The following GALNT2 variants were observed in gnomAD, a reference collection of about 807,000 sequenced individuals.
GALNT2 encodes the protein UDP-GalNAc:polypeptide N-acetylgalactosaminyltransferase 2.
Under a neutral mutation model 81.4 loss-of-function variants are expected in GALNT2, and 31 were observed. That is an observed-to-expected ratio of 0.38 (90% confidence interval 0.29 to 0.51). GALNT2 has a LOEUF of 0.51. GALNT2 is among the 20% of genes least tolerant of loss of function. The probability of loss-of-function intolerance (pLI) is 0.87; values close to 1 mark genes in which losing one functional copy is unlikely to be tolerated. For synonymous variants in GALNT2, 303 were observed against 287.4 expected, an observed-to-expected ratio of 1.05 and a Z score of -0.55; for missense variants, 629 against 765.7, an observed-to-expected ratio of 0.82 and a Z score of 2.11.
chr1:230,154,166 T>G (rs952961959), intron 1 of GALNT2, among the ~76,000 whole-genome samples: 5 of 152,204 alleles, frequency 3.3e-5, no homozygotes, highest in African/African-American at 1.2e-4. Flanking sequence ...TTTTGTACAT[T>G]TTCAATATTT....
At chr1:230,197,099 C>G (rs896803895) in intron 2 of GALNT2, among the ~76,000 whole-genome samples, 4 of 152,130 alleles carry the variant, frequency 2.6e-5, no homozygotes, top group Admixed American at 6.5e-5. Flanking sequence ...GAGCAAGCCT[C>G]TCTTCCTCCA....
At chr1:230,176,428 A>G (rs1572051928) in intron 1 of GALNT2, among the ~76,000 whole-genome samples, 1 of 152,204 alleles carries the variant, frequency 6.6e-6, no homozygotes, top group East Asian at 1.9e-4. Context: ...TTCAGCTACA[A>G]GTTTAAATGA....
chr1:230,199,263 C>T (rs969213597), intron 2 of GALNT2, among the ~76,000 whole-genome samples: 8 of 152,170 alleles, frequency 5.3e-5, no homozygotes, highest in African/African-American at 9.7e-5. Flanking sequence ...GTGTACCTCT[C>T]GCCATGTCCC....
chr1:230,102,781 G>C (rs1414694644), intron 1 of GALNT2, among the ~76,000 whole-genome samples: 1 of 152,178 alleles, frequency 6.6e-6, no homozygotes. Flanking sequence ...CAGATTCTGT[G>C]GGGTAAATAA....
chr1:230,058,186 C>T (rs908343850), intron 1 of GALNT2: 6 of 447,790 alleles, frequency 1.3e-5, no homozygotes, highest in Admixed American at 9.5e-5. Context: ...CTGGCCTCCT[C>T]CTTCCTAGGC....
chr1:230,136,206 T>C (rs932072665), intron 1 of GALNT2, among the ~76,000 whole-genome samples: 1 of 152,164 alleles, frequency 6.6e-6, no homozygotes, highest in African/African-American at 2.4e-5. Flanking sequence ...GTTTTCACTC[T>C]TCTGGGGGTG....
intron 3 of GALNT2, among the ~76,000 whole-genome samples, chr1:230,205,733 C>G (rs1367738309): frequency 2.6e-5 from 4 of 152,170 alleles, no homozygotes; most frequent in Non-Finnish European, 5.9e-5. Context: ...GGGTCCTTCA[C>G]TTTTTCCAGA....
intron 14 of GALNT2, among the ~76,000 whole-genome samples, chr1:230,266,636 G>A (rs549824112): frequency 1.3e-5 from 2 of 152,314 alleles, no homozygotes; most frequent in South Asian, 4.1e-4. Flanking sequence ...GCAGTTACTT[G>A]CAATGGCCTG....
chr1:230,202,454 A>G (rs894895742), intron 2 of GALNT2, among the ~76,000 whole-genome samples: 1 of 152,190 alleles, frequency 6.6e-6, no homozygotes, highest in Non-Finnish European at 1.5e-5. Flanking sequence ...GTTCAGGCCA[A>G]TGCCAGGGGA....
rs571319568 is a variant in GALNT2, at chr1:230,139,262, A to G, written c.127-38956A>G. Among the ~76,000 whole-genome samples, 21 of 152,348 alleles carry G rather than the reference A, an allele frequency of 1.4e-4. No homozygotes were observed. In the South Asian group the frequency reaches 4.1e-3, roughly 30 times the overall value. On this transcript the variant is annotated intron_variant, in intron 1 of 15. Coordinates refer to ENST00000366672, the MANE Select transcript of GALNT2 (RefSeq NM_004481.5). ...AAATGAAGACATTTAGATGAGAACA[A>G]TCAGGGTCCTCTTGCTAAATCTGAA... is the stretch of plus-strand genomic sequence containing the variant.
At chr1:230,227,562 C>CAT (rs574499167) in intron 3 of GALNT2, among the ~76,000 whole-genome samples, 7,629 of 145,970 alleles carry the variant, frequency 0.052, 226 homozygotes, top group Non-Finnish European at 0.068. Context: ...ATAATACAGC[C>CAT]ATATATATAT....
At chr1:230,079,555 T>C (rs1410439239) in intron 1 of GALNT2, among the ~76,000 whole-genome samples, 2 of 152,248 alleles carry the variant, frequency 1.3e-5, no homozygotes, top group African/African-American at 2.4e-5. Context: ...AGTAAAGCTA[T>C]AGTTCGTGAA....
intron 1 of GALNT2, among the ~76,000 whole-genome samples, chr1:230,104,712 G>A (rs1187780516): frequency 6.6e-6 from 1 of 152,226 alleles, no homozygotes; most frequent in Non-Finnish European, 1.5e-5. Flanking sequence ...GTGCTGGGAG[G>A]TAGGAGGGCG....
rs1558280335 is a variant in GALNT2, at chr1:230,092,191, T to TTTTTTTTTTGTTTTTG, written c.126+24790_126+24791insTTTTGTTTTTGTTTTT. Among the ~76,000 whole-genome samples the TTTTTTTTTTGTTTTTG allele has an allele frequency of 7.9e-4, 118 of 149,506 alleles. 2 individuals are homozygous for TTTTTTTTTTGTTTTTG. The highest frequency in any genetic ancestry group is 2.5e-3 in the African/African-American group (102 of 40,786). The stretch of plus-strand genomic sequence containing the variant: ...TATTCCTTTAGTTTTTTTTTTTTTT[T>TTTTTTTTTTGTTTTTG]TTTTTGCACTGATCTTTCTGATTTT... On this transcript the variant is annotated intron_variant, in intron 1 of 15. Transcript: ENST00000366672.
At chr1:230,099,735 G>A (rs1394004166) in intron 1 of GALNT2, among the ~76,000 whole-genome samples, 2 of 152,188 alleles carry the variant, frequency 1.3e-5, no homozygotes, top group African/African-American at 2.4e-5. Context: ...TGCCCACCAG[G>A]CATGCCCAGT....
At chr1:230,186,407 A>G (rs1663339213) in intron 2 of GALNT2, among the ~76,000 whole-genome samples, 1 of 152,234 alleles carries the variant, frequency 6.6e-6, no homozygotes, top group South Asian at 2.1e-4. Context: ...TGGATGAGTC[A>G]TGAAGCCCTG....
At chr1:230,216,616 TG>T (rs1287600505) in intron 3 of GALNT2, among the ~76,000 whole-genome samples, 1 of 152,166 alleles carries the variant, frequency 6.6e-6, no homozygotes, top group African/African-American at 2.4e-5. Context: ...TTAGTAGAGA[TG>T]GGGTGTTGCT....
intron 6 of GALNT2, among the ~76,000 whole-genome samples, chr1:230,238,138 A>G (rs1281160930): frequency 6.6e-6 from 1 of 152,230 alleles, no homozygotes; most frequent in African/African-American, 2.4e-5. Context: ...ACACTTGCAC[A>G]CACACTCATG....
intron 11 of GALNT2, among the ~76,000 whole-genome samples, chr1:230,261,302 T>A (rs1665870646): frequency 2.6e-5 from 4 of 152,232 alleles, no homozygotes; most frequent in Admixed American, 2.0e-4. Context: ...ATATATCACC[T>A]TATATGAAAG....
Sources: allele counts gnomAD v4.1 joint callset (sites outside exome capture counted in the v4.1 genomes callset), GRCh38; gene constraint gnomAD v4.1.1; transcripts MANE v1.5; gene names NCBI Gene and HGNC (gene_info 2026-07-23, HGNC 2026-07-21).